The following PKP2 variants were observed in gnomAD, a reference collection of about 807,000 sequenced individuals.
PKP2 encodes plakophilin-2.
Under a neutral mutation model 83.4 loss-of-function variants are expected in PKP2, and 73 were observed. The ratio of observed to expected loss-of-function variants is 0.88; its 90% CI spans 0.72 to 1.06. The LOEUF (loss-of-function observed/expected upper bound fraction) is 1.06, where lower values mean the gene tolerates loss of function less well. Among genes scored for constraint, PKP2 ranks in the 50% least tolerant of loss-of-function variants. The pLI, the probability that PKP2 is intolerant of heterozygous loss-of-function variation, is 0.00. For synonymous variants in PKP2, 409 were observed against 430.4 expected (o/e 0.95, Z 0.62); for missense variants, 966 against 1,065.4 (o/e 0.91, Z 1.30).
Position 32,821,437 on chromosome 12 carries a change from G to A in PKP2, c.1932C>T (p.Ser644=), listed in dbSNP as rs763042549. Residue 644 remains serine, a synonymous_variant, in exon 9 of 13, where the codon TCC becomes TCT. Transcript: ENST00000340811. ...WHSIVIRMYL[S]LIAKSVRNYT... is the part of the protein sequence containing the mutation. ...AGTTGCGGACACTTTTGGCGATCAA[G>A]GACAGATACATCCTTATAACAATGG... The A allele has an allele frequency of 1.6e-5, 26 of 1,614,044 alleles. No individual in the cohort carries two copies. The highest frequency in any genetic ancestry group is 1.9e-5 in the Non-Finnish European group (23 of 1,179,970).
At chr12:32,843,733 C>T (rs898687104) in intron 5 of PKP2, among the ~76,000 whole-genome samples, 3 of 152,176 alleles carry the variant, frequency 2.0e-5, no homozygotes, top group Non-Finnish European at 4.4e-5. Flanking sequence ...TTTTGCAATA[C>T]AATGACTTCA....
intron 4 of PKP2, among the ~76,000 whole-genome samples, chr12:32,856,842 G>A (rs1956754701): frequency 6.6e-6 from 1 of 152,170 alleles, no homozygotes. Context: ...CACTGACAGG[G>A]AACAATTTGC....
In PKP2 at chr12:32,806,686, T is replaced by TTGTG. The variant is rs140484431; in HGVS notation, c.2014-4134_2014-4131dup. 1.4e-3 allele frequency among the ~76,000 whole-genome samples: 203 copies of TTGTG among 149,716 alleles called. 2 individuals carry two copies. Among genetic ancestry groups the TTGTG allele is most frequent in the African/African-American group, 4.7e-3 (190 of 40,606 alleles). On this transcript the variant is annotated intron_variant, in intron 9 of 12. Transcript: ENST00000340811. The stretch of plus-strand genomic sequence containing the variant: ...TGAATTTGTTGATTTTTTGAAGGGT[T>TTGTG]TGTGTGTGTGTGTGTGTGTCTGTAT...
chr12:32,853,801 G>A (rs939351648), intron 4 of PKP2, among the ~76,000 whole-genome samples: 3 of 152,086 alleles, frequency 2.0e-5, no homozygotes, highest in Non-Finnish European at 4.4e-5. Flanking sequence ...GTGAGCCACC[G>A]CGCCCAGCTG....
At chr12:32,795,300 G>A (rs183059845) in intron 11 of PKP2, among the ~76,000 whole-genome samples, 279 of 150,644 alleles carry the variant, frequency 1.9e-3, no homozygotes, top group Non-Finnish European at 3.1e-3. Context: ...ATAAGACAGA[G>A]AAAAAACTGT....
intron 4 of PKP2, among the ~76,000 whole-genome samples, chr12:32,860,940 A>T (rs1956792554): frequency 6.6e-6 from 1 of 152,128 alleles, no homozygotes; most frequent in Non-Finnish European, 1.5e-5. Context: ...AGGCAAGAGA[A>T]TCACTTGAAC....
chr12:32,819,628 C>G (rs926115756), intron 9 of PKP2, among the ~76,000 whole-genome samples: 9 of 152,256 alleles, frequency 5.9e-5, no homozygotes, highest in Admixed American at 5.9e-4. Flanking sequence ...ACCATAACTG[C>G]TAGTGTCTGT....
chr12:32,856,312 G>T (rs1956747446), intron 4 of PKP2, among the ~76,000 whole-genome samples: 1 of 152,162 alleles, frequency 6.6e-6, no homozygotes, highest in Admixed American at 6.5e-5. Flanking sequence ...GGGCTGTGAA[G>T]CATGAGACTA....
chr12:32,818,161 C>T (rs1045979705), intron 9 of PKP2, among the ~76,000 whole-genome samples: 1 of 152,182 alleles, frequency 6.6e-6, no homozygotes, highest in African/African-American at 2.4e-5. Flanking sequence ...AAATAAAGGG[C>T]TTTTAAAACT....
At chr12:32,857,084 C>T (rs536645723) in intron 4 of PKP2, among the ~76,000 whole-genome samples, 2 of 152,228 alleles carry the variant, frequency 1.3e-5, no homozygotes, top group South Asian at 2.1e-4. Flanking sequence ...CCCAGCCCAA[C>T]AGGACAGAGG....
rs550772123 is a variant in PKP2 at position 32,807,413 on chromosome 12, A to C, written c.2014-4857T>G. Among the ~76,000 whole-genome samples the C allele has an allele frequency of 7.2e-5, 11 of 152,264 alleles. No homozygotes were observed. In the East Asian group the frequency reaches 2.1e-3, roughly 29 times the overall value. ...TCCTCCATCTCTTTATTTTGAGCCT[A>C]AGTGTGTCTTTGCATGTGAGATGGG... On this transcript the variant is annotated intron_variant, in intron 9 of 12. Coordinates refer to ENST00000340811, the MANE Select transcript of PKP2 (RefSeq NM_001005242.3).
chr12:32,815,234 A>G (rs1956310829), intron 9 of PKP2, among the ~76,000 whole-genome samples: 1 of 152,160 alleles, frequency 6.6e-6, no homozygotes, highest in South Asian at 2.1e-4. Flanking sequence ...CACACCTCAG[A>G]TTTAAACCCT....
At chr12:32,805,161 T>C (rs924331014) in intron 9 of PKP2, among the ~76,000 whole-genome samples, 1 of 149,342 alleles carries the variant, frequency 6.7e-6, no homozygotes, top group Non-Finnish European at 1.5e-5. Context: ...TTTTTTTTTG[T>C]CTTGTAAATT....
intron 9 of PKP2, among the ~76,000 whole-genome samples, chr12:32,806,812 G>A (rs1210280695): frequency 1.3e-5 from 2 of 152,020 alleles, no homozygotes; most frequent in African/African-American, 2.4e-5. Context: ...GATACCTTGA[G>A]ATCTTTCTAG....
At chr12:32,812,445 T>C (rs1310183967) in intron 9 of PKP2, among the ~76,000 whole-genome samples, 1 of 152,160 alleles carries the variant, frequency 6.6e-6, no homozygotes, top group Non-Finnish European at 1.5e-5. Context: ...ATTAGTCATC[T>C]TTTCTGTTTC....
chr12:32,824,849 CT>C (rs1168222261), intron 6 of PKP2, among the ~76,000 whole-genome samples: 1 of 151,982 alleles, frequency 6.6e-6, no homozygotes, highest in Non-Finnish European at 1.5e-5. Context: ...GTAACTAAAC[CT>C]ATAATTGGAA....
At chr12:32,858,172 C>T (rs1470805427) in intron 4 of PKP2, among the ~76,000 whole-genome samples, 6 of 128,974 alleles carry the variant, frequency 4.7e-5, no homozygotes, top group Admixed American at 8.6e-5. Flanking sequence ...AAAAGCCAGG[C>T]GAGTCCATGC....
intron 4 of PKP2, among the ~76,000 whole-genome samples, chr12:32,859,995 C>T (rs960445174): frequency 3.3e-5 from 5 of 151,984 alleles, no homozygotes; most frequent in African/African-American, 9.7e-5. Flanking sequence ...AAAAATGACT[C>T]GATAGTAACT....
At chr12:32,853,434 A>G (rs1956718726) in intron 4 of PKP2, among the ~76,000 whole-genome samples, 1 of 149,142 alleles carries the variant, frequency 6.7e-6, no homozygotes, top group Non-Finnish European at 1.5e-5. Context: ...AATTTATGTT[A>G]AAACAACCTG....
Sources: gnomAD v4.1 joint callset for allele counts (sites outside exome capture counted in the v4.1 genomes callset) on GRCh38, gnomAD v4.1.1 for gene constraint, MANE v1.5 for transcripts, NCBI Gene and HGNC (gene_info 2026-07-23, HGNC 2026-07-21) for gene names.